Variants in HSD17B2 observed in about 807,000 individuals in gnomAD.
HSD17B2 encodes hydroxysteroid 17-beta dehydrogenase 2.
HSD17B2 carries 32 observed loss-of-function variants against 26.9 expected under a neutral mutation model. The observed-to-expected ratio is 1.19, with a 90% CI of 0.90 to 1.60. The LOEUF is 1.60. Ranked by LOEUF, HSD17B2 falls within the 40% of genes most tolerant of loss-of-function variation. The pLI is 0.00. For synonymous variants in HSD17B2, 246 were observed against 186.7 expected, an observed-to-expected ratio of 1.32 and a Z score of -2.59; for missense variants, 613 against 468.6, an observed-to-expected ratio of 1.31 and a Z score of -2.85.
intron 1 of HSD17B2, among the ~76,000 whole-genome samples, chr16:82,049,027 A>G (rs1404945015): frequency 6.6e-6 from 1 of 152,240 alleles, no homozygotes; most frequent in African/African-American, 2.4e-5. Flanking sequence ...TGGAACAGGT[A>G]GTCCCATGTT....
chr16:82,049,860 T>G (rs1914052651), intron 1 of HSD17B2, among the ~76,000 whole-genome samples: 1 of 152,220 alleles, frequency 6.6e-6, no homozygotes. Flanking sequence ...AGCCCCATAG[T>G]GGGGCTGCAT....
At chr16:82,057,520 G>A (rs1425493495) in intron 1 of HSD17B2, among the ~76,000 whole-genome samples, 1 of 152,166 alleles carries the variant, frequency 6.6e-6, no homozygotes, top group Non-Finnish European at 1.5e-5. Context: ...TTTAAGTGTG[G>A]CCTGTGCACA....
intron 1 of HSD17B2, among the ~76,000 whole-genome samples, chr16:82,046,901 G>A (rs1249288476): frequency 1.3e-5 from 2 of 152,156 alleles, no homozygotes; most frequent in Non-Finnish European, 2.9e-5. Flanking sequence ...TTCAAATGCA[G>A]GTCTTTTAGC....
intron 2 of HSD17B2, chr16:82,070,671 T>C: frequency 2.2e-6 from 1 of 459,768 alleles, no homozygotes. Context: ...TAATTTGCAA[T>C]ACCTGCTGGT....
At chr16:82,039,270 C>T (rs1024187925) in intron 1 of HSD17B2, among the ~76,000 whole-genome samples, 11 of 151,350 alleles carry the variant, frequency 7.3e-5, no homozygotes, top group African/African-American at 2.7e-4. Flanking sequence ...CACACACACA[C>T]ACGCACAAAC....
intron 3 of HSD17B2, among the ~76,000 whole-genome samples, chr16:82,075,881 C>T (rs1458835703): frequency 7.1e-6 from 1 of 141,578 alleles, no homozygotes; most frequent in Non-Finnish European, 1.5e-5. Flanking sequence ...CTATATCATT[C>T]TGATAGCAAA....
chr16:82,040,957 G>A (rs1041393164), intron 1 of HSD17B2, among the ~76,000 whole-genome samples: 1 of 152,188 alleles, frequency 6.6e-6, no homozygotes, highest in African/African-American at 2.4e-5. Context: ...CAGTCTACCA[G>A]ATGATTTTTA....
intron 4 of HSD17B2, chr16:82,097,005 G>GT (rs374276611): frequency 0.021 from 2,974 of 144,954 alleles, 102 homozygotes; most frequent in African/African-American, 0.067. Context: ...GTTCTGTTTT[G>GT]TTTTTTTTTT....
intron 2 of HSD17B2, among the ~76,000 whole-genome samples, chr16:82,069,984 G>C (rs1019030967): frequency 6.6e-6 from 1 of 152,138 alleles, no homozygotes; most frequent in African/African-American, 2.4e-5. Flanking sequence ...GCTAATGTTA[G>C]CGCAGGGCCA....
chr16:82,087,485 A>G (rs1483317429), intron 3 of HSD17B2, among the ~76,000 whole-genome samples: 1 of 152,220 alleles, frequency 6.6e-6, no homozygotes, highest in Non-Finnish European at 1.5e-5. Flanking sequence ...AGGTTGAACC[A>G]TACAATACTG....
At chr16:82,064,261 G>A (rs562792778) in intron 1 of HSD17B2, among the ~76,000 whole-genome samples, 9 of 152,120 alleles carry the variant, frequency 5.9e-5, no homozygotes, top group South Asian at 2.1e-4. Context: ...CTCCTTGCTC[G>A]CATCCCTTTA....
chr16:82,080,661 A>T (rs1008752222), intron 3 of HSD17B2, among the ~76,000 whole-genome samples: 1 of 152,164 alleles, frequency 6.6e-6, no homozygotes, highest in East Asian at 1.9e-4. Flanking sequence ...TTGACTTTAA[A>T]CGAGCTCCAA....
intron 1 of HSD17B2, among the ~76,000 whole-genome samples, chr16:82,057,100 C>A (rs944206144): frequency 1.3e-5 from 2 of 152,004 alleles, no homozygotes; most frequent in Non-Finnish European, 2.9e-5. Context: ...AATTAATAAG[C>A]GAGGGAGAAG....
chr16:82,095,934 CTGTT>C (rs1904825970), intron 4 of HSD17B2: 1 of 152,126 alleles, frequency 6.6e-6, no homozygotes, highest in Admixed American at 6.5e-5. Flanking sequence ...GCACACAAAA[CTGTT>C]AGTTACCTTA....
chr16:82,080,335 C>T (rs993905975), intron 3 of HSD17B2, among the ~76,000 whole-genome samples: 12 of 152,100 alleles, frequency 7.9e-5, no homozygotes, highest in Admixed American at 2.6e-4. Flanking sequence ...GGAGGTTATC[C>T]TGGATATTCT....
chr16:82,055,281 C>T lies in HSD17B2; in HGVS notation c.266-12889C>T, dbSNP rs148213402. ...CCTTTGCACCTGCTCTGCCCTGTGCCTGGTGCACTCTTCCGTGAACATGGC... is the reference window on the plus strand; with the variant it reads ...CCTTTGCACCTGCTCTGCCCTGTGCTTGGTGCACTCTTCCGTGAACATGGC... On this transcript the variant is annotated intron_variant, in intron 1 of 4. Coordinates refer to ENST00000199936, the MANE Select transcript of HSD17B2 (RefSeq NM_002153.3). Among the ~76,000 whole-genome samples, 189 of 152,344 alleles carry T rather than the reference C, an allele frequency of 1.2e-3. 2 individuals are homozygous for T. Among genetic ancestry groups the T allele is most frequent in the African/African-American group, 4.4e-3 (183 of 41,578 alleles).
At chr16:82,080,944 GT>G (rs370934678) in intron 3 of HSD17B2, among the ~76,000 whole-genome samples, 6 of 151,662 alleles carry the variant, frequency 4.0e-5, no homozygotes, top group African/African-American at 1.5e-4. Flanking sequence ...TGTTGTTTTT[GT>G]TTTTTTTGTT....
At chr16:82,095,037 AGAT>A (rs1220282949) in intron 4 of HSD17B2, 2 of 152,242 alleles carry the variant, frequency 1.3e-5, no homozygotes, top group Non-Finnish European at 2.9e-5. Flanking sequence ...CAAAAGTGGG[AGAT>A]GATGACGGAC....
intron 2 of HSD17B2, 84 bp downstream of exon 2, chr16:82,068,466 C>T (rs576506422): frequency 8.9e-6 from 10 of 1,129,026 alleles, no homozygotes; most frequent in Middle Eastern, 2.9e-4. Flanking sequence ...CATGCCCCCC[C>T]ACTCCACTCT....
Sources: allele counts gnomAD v4.1 joint callset (sites outside exome capture counted in the v4.1 genomes callset), GRCh38; gene constraint gnomAD v4.1.1; transcripts MANE v1.5; gene names NCBI Gene and HGNC (gene_info 2026-07-23, HGNC 2026-07-21).